The following NAA11 variants were observed in gnomAD, a reference collection of about 807,000 sequenced individuals.
The protein encoded by NAA11 is N-alpha-acetyltransferase 11, NatA catalytic subunit.
Under a neutral mutation model 16.1 loss-of-function variants are expected in NAA11, and 15 were observed. That is an observed-to-expected ratio of 0.93 (90% CI 0.62 to 1.44). NAA11 has a LOEUF of 1.44. Ranked by LOEUF, NAA11 falls within the 40% of genes most tolerant of loss-of-function variation. The pLI, the probability that NAA11 is intolerant of heterozygous loss-of-function variation, is 0.00. For missense variants in NAA11, 298 were observed against 291.3 expected (o/e 1.02, Z -0.17); for synonymous variants, 122 against 112.4 (o/e 1.09, Z -0.54).
intron 1 of NAA11, among the ~76,000 whole-genome samples, chr4:79,304,040 C>T (rs1171572762): frequency 6.6e-6 from 1 of 152,132 alleles, no homozygotes; most frequent in Non-Finnish European, 1.5e-5. Context: ...CTCGACAGCT[C>T]TTCGACCATC....
chr4:79,224,336 A>G (rs1721264327), downstream of NAA11, among the ~76,000 whole-genome samples: 1 of 152,144 alleles, frequency 6.6e-6, no homozygotes, highest in Non-Finnish European at 1.5e-5. Context: ...TATAAACAAC[A>G]TAAGCCCTTT....
chr4:79,262,263 T>C (rs927315283), intron 2 of NAA11, among the ~76,000 whole-genome samples: 1 of 152,160 alleles, frequency 6.6e-6, no homozygotes, highest in African/African-American at 2.4e-5. Flanking sequence ...AAAGAAGTTG[T>C]AGATATTGGA....
rs368191328 is a variant in NAA11, at chr4:79,246,376, CT to C, written c.*123-20107del. 3.9e-3 allele frequency among the ~76,000 whole-genome samples: 445 copies of C among 112,846 alleles called. 4 individuals are homozygous for C. The highest frequency in any genetic ancestry group is 5.7e-3 in the South Asian group (21 of 3,680). 74.0% of individuals were successfully genotyped at this position (112,846 alleles called of 152,430 possible). On this transcript the variant is annotated intron_variant and NMD_transcript_variant, in intron 2 of 2. Transcript: ENST00000511542. The stretch of plus-strand genomic sequence containing the variant: ...AACACCCAAGAATAATCAATAAATA[CT>C]AAAAAAAAAAAAAAAAAAAAAAGAA...
At chr4:79,226,536 G>C (rs958915205) in intron 2 of NAA11, among the ~76,000 whole-genome samples, 7 of 151,624 alleles carry the variant, frequency 4.6e-5, no homozygotes, top group African/African-American at 1.5e-4. Context: ...CCATTAACTT[G>C]TCATTTACAT....
intron 2 of NAA11, among the ~76,000 whole-genome samples, chr4:79,269,201 C>T (rs1722424025): frequency 6.7e-6 from 1 of 148,694 alleles, no homozygotes; most frequent in African/African-American, 2.5e-5. Context: ...ATTTATATTC[C>T]TTTGGGTATA....
chr4:79,270,771 CA>C (rs1457648834), intron 2 of NAA11, among the ~76,000 whole-genome samples: 1 of 70,256 alleles, frequency 1.4e-5, no homozygotes, highest in Non-Finnish European at 2.6e-5. Context: ...GAGCCAAAGA[CA>C]AAAACCACAT....
At chr4:79,291,616 C>T (rs376675319) in intron 2 of NAA11, among the ~76,000 whole-genome samples, 1 of 151,842 alleles carries the variant, frequency 6.6e-6, no homozygotes, top group Admixed American at 6.6e-5. Context: ...CCCAGCTACT[C>T]GGGTGGCTGA....
At chr4:79,269,594 G>A (rs1722440308) in intron 2 of NAA11, among the ~76,000 whole-genome samples, 1 of 150,114 alleles carries the variant, frequency 6.7e-6, no homozygotes, top group Non-Finnish European at 1.5e-5. Context: ...TGTAGATTCT[G>A]GATATTAGCC....
intron 1 of NAA11, among the ~76,000 whole-genome samples, chr4:79,318,542 C>A (rs972659897): frequency 6.6e-6 from 1 of 152,136 alleles, no homozygotes; most frequent in Non-Finnish European, 1.5e-5. Flanking sequence ...GACTATTATG[C>A]ACAGAGCAGT....
Position 79,270,091 on chromosome 4 carries a change from G to T in NAA11, c.*122+23914C>A, listed in dbSNP as rs1168872255. On this transcript the variant is annotated intron_variant and NMD_transcript_variant, in intron 2 of 2. Coordinates refer to the NAA11 transcript ENST00000511542. ...TCTGTTTTGGTACCAGTACCATGCT[G>T]TTTTGGTTACTGTAGCCTTGTAGTA... 2.7e-5 allele frequency among the ~76,000 whole-genome samples: 4 copies of T among 150,876 alleles called. No homozygotes were observed. In the East Asian group the frequency reaches 5.9e-4, roughly 22 times the overall value.
intron 1 of NAA11, among the ~76,000 whole-genome samples, chr4:79,323,873 G>C (rs1285992676): frequency 6.6e-6 from 1 of 151,792 alleles, no homozygotes; most frequent in African/African-American, 2.4e-5. Flanking sequence ...CGAGGTGGCG[G>C]GCGCCTGTAG....
At chr4:79,303,287 A>G (rs1236928566) in intron 1 of NAA11, among the ~76,000 whole-genome samples, 1 of 151,640 alleles carries the variant, frequency 6.6e-6, no homozygotes, top group Non-Finnish European at 1.5e-5. Flanking sequence ...TGCAAATTTG[A>G]TAATATCTTC....
intron 1 of NAA11, among the ~76,000 whole-genome samples, chr4:79,323,179 G>A (rs1290027936): frequency 6.6e-6 from 1 of 152,102 alleles, no homozygotes; most frequent in Non-Finnish European, 1.5e-5. Context: ...AGAAGTTGCT[G>A]CCTTTCATAC....
At chr4:79,186,743 G>GAGA in the NAA11 span, among the ~76,000 whole-genome samples, 1 of 152,176 alleles carries the variant, frequency 6.6e-6, no homozygotes, top group Admixed American at 6.5e-5. Context: ...TCCAAGGATA[G>GAGA]AGAAGTCTTG....
At chr4:79,283,327 A>C (rs567992955) in intron 2 of NAA11, among the ~76,000 whole-genome samples, 1 of 152,072 alleles carries the variant, frequency 6.6e-6, no homozygotes, top group Non-Finnish European at 1.5e-5. Flanking sequence ...AAAATGATCA[A>C]ATGGAGGAAG....
At chr4:79,292,566 A>G (rs929668329) in intron 2 of NAA11, among the ~76,000 whole-genome samples, 1 of 152,202 alleles carries the variant, frequency 6.6e-6, no homozygotes, top group African/African-American at 2.4e-5. Context: ...CTGCTGTTGA[A>G]TGAGGGATTA....
chr4:79,188,905 G>A, the NAA11 span, among the ~76,000 whole-genome samples: 1 of 151,892 alleles, frequency 6.6e-6, no homozygotes, highest in South Asian at 2.1e-4. Flanking sequence ...CCCTGCCCTG[G>A]GGATCACCAA....
At chr4:79,297,071 G>A (rs940421955) in intron 1 of NAA11, among the ~76,000 whole-genome samples, 3 of 152,122 alleles carry the variant, frequency 2.0e-5, no homozygotes, top group Non-Finnish European at 2.9e-5. Flanking sequence ...CCCTCCTGAG[G>A]CCAGGCAGGA....
chr4:79,286,010 A>C lies in NAA11; in HGVS notation c.*122+7995T>G, dbSNP rs571344055. On this transcript the variant is annotated intron_variant and NMD_transcript_variant, in intron 2 of 2. Coordinates refer to the NAA11 transcript ENST00000511542. ...GATAAGCACTTTATTTTTATAAGCCAGTGATTTATGAGAAGTGATTTCTGC... is the reference window on the plus strand; with the variant it reads ...GATAAGCACTTTATTTTTATAAGCCCGTGATTTATGAGAAGTGATTTCTGC... Among the ~76,000 whole-genome samples, 807 of 152,174 alleles carry C rather than the reference A, an allele frequency of 5.3e-3. 5 individuals are homozygous for C. The highest frequency in any genetic ancestry group is 0.019 in the South Asian group (91 of 4,828).
Sources: gnomAD v4.1 joint callset for allele counts (sites outside exome capture counted in the v4.1 genomes callset) on GRCh38, gnomAD v4.1.1 for gene constraint, MANE v1.5 for transcripts, NCBI Gene and HGNC (gene_info 2026-07-23, HGNC 2026-07-21) for gene names.